ATP6V0D2: variants seen among roughly 807,000 people sequenced by gnomAD.
ATP6V0D2 encodes the protein ATPase H+ transporting V0 subunit d2, also known as V-type proton ATPase subunit d 2.
ATP6V0D2 carries 40 observed loss-of-function variants against 40.0 expected under a neutral mutation model. The observed-to-expected ratio is 1.00, with a 90% CI of 0.78 to 1.30. The LOEUF (loss-of-function observed/expected upper bound fraction) is 1.30, where lower values mean the gene tolerates loss of function less well. Ranked by LOEUF, ATP6V0D2 falls within the 50% of genes most tolerant of loss-of-function variation. The pLI, the probability that ATP6V0D2 is intolerant of heterozygous loss-of-function variation, is 0.00. For synonymous variants in ATP6V0D2, 179 were observed against 156.3 expected (o/e 1.15, Z -1.08); for missense variants, 470 against 423.1 (o/e 1.11, Z -0.97).
At chr8:86,123,971 C>A (rs553875525) in intron 2 of ATP6V0D2, among the ~76,000 whole-genome samples, 15 of 152,228 alleles carry the variant, frequency 9.9e-5, no homozygotes, top group African/African-American at 3.6e-4. Context: ...TTGTGTCTTT[C>A]TTTCCCCAAA....
intron 2 of ATP6V0D2, among the ~76,000 whole-genome samples, chr8:86,124,895 A>G (rs1449774067): frequency 6.6e-6 from 1 of 152,178 alleles, no homozygotes; most frequent in East Asian, 1.9e-4. Context: ...ATATAAATAT[A>G]CCCACACATC....
chr8:86,147,471 A>T (rs536641967), intron 5 of ATP6V0D2, among the ~76,000 whole-genome samples: 1 of 152,326 alleles, frequency 6.6e-6, no homozygotes, highest in South Asian at 2.1e-4. Flanking sequence ...AACTCTCTGC[A>T]AGAAACAGGA....
chr8:86,151,572 T>C, intron 7 of ATP6V0D2, 32 bp downstream of exon 7: 1 of 1,517,532 alleles, frequency 6.6e-7, no homozygotes, highest in Admixed American at 1.9e-5. Context: ...TATTAGCTTA[T>C]TTTTCTCTTA....
chr8:86,127,025 T>A (rs11773973), intron 2 of ATP6V0D2, among the ~76,000 whole-genome samples: 34,805 of 152,164 alleles, frequency 0.23, 5,082 homozygotes, highest in African/African-American at 0.41. Flanking sequence ...TTATTTTGCT[T>A]CAAGGAAAAA....
intron 1 of ATP6V0D2, among the ~76,000 whole-genome samples, chr8:86,110,798 A>G (rs1563556127): frequency 6.6e-6 from 1 of 152,182 alleles, no homozygotes; most frequent in South Asian, 2.1e-4. Flanking sequence ...TAATCAGTAC[A>G]TTAAAAATTT....
At position 86,128,652 on chromosome 8, in the gene ATP6V0D2, T is replaced by G. The variant is rs142710796; in HGVS notation, c.303-10805T>G. On this transcript the variant is annotated intron_variant, in intron 2 of 7. Transcript: ENST00000285393. ...TTGAACTTTTTGAAGTTCGGATAACTTAAAGGAAACATCATATAAAATAAT... is the reference window on the plus strand; with the variant it reads ...TTGAACTTTTTGAAGTTCGGATAACGTAAAGGAAACATCATATAAAATAAT... Among the ~76,000 whole-genome samples the G allele has an allele frequency of 4.4e-3, 672 of 152,308 alleles. 13 individuals carry two copies. The highest frequency in any genetic ancestry group is 0.044 in the South Asian group (212 of 4,818).
In ATP6V0D2 at chr8:86,152,816, G is replaced by T. The variant is rs1563568721; in HGVS notation, c.892G>T (p.Val298Leu). ...TGTGTTACTTTTTTTCTTTCCTCAG[G>T]TACAAATGAATGTGCTGGCATTCAA... Reference protein sequence around the residue: ...TLEDVFYEREVQMNVLAFNRQ... With the variant: ...TLEDVFYERELQMNVLAFNRQ... The change falls in exon 8 of 8, where the codon GTA (valine) becomes TTA (leucine). Residue 298 changes from valine to leucine, a missense_variant and splice_region_variant. Transcript: ENST00000285393. 1.9e-6 allele frequency: 3 copies of T among 1,589,634 alleles called. No individual in the cohort carries two copies. Among genetic ancestry groups the T allele is most frequent in the East Asian group, 4.5e-5 (2 of 44,232 alleles).
intron 1 of ATP6V0D2, among the ~76,000 whole-genome samples, chr8:86,105,222 A>G (rs1488805352): frequency 6.6e-6 from 1 of 152,216 alleles, no homozygotes; most frequent in African/African-American, 2.4e-5. Context: ...TCGTTTGTCT[A>G]TCTAGCTCCA....
In ATP6V0D2 at chr8:86,153,011, A is replaced by T; in HGVS notation, c.*34A>T. The T allele has an allele frequency of 6.6e-7, 1 of 1,520,798 alleles. No individual in the cohort carries two copies. 94.2% of individuals were successfully genotyped at this position (1,520,798 alleles called of 1,614,324 possible). A position where few individuals can be genotyped will look rare whatever the true frequency, so the allele number is the denominator to read the frequency against. The stretch of plus-strand genomic sequence containing the variant: ...AGGTTCTCAAATGTAGAAAATTATA[A>T]ATGTTAAAAGGAAGTTATTGAAGAA... On this transcript the variant is annotated 3_prime_UTR_variant, in exon 8 of 8. Transcript: ENST00000285393.
At chr8:86,152,744 T>C in intron 7 of ATP6V0D2, 72 bp from the exon 8 acceptor site, 1 of 1,456,626 alleles carries the variant, frequency 6.9e-7, no homozygotes, top group African/African-American at 1.4e-5. Context: ...TTCAAGCCAG[T>C]CAGTAGCTTA....
intron 2 of ATP6V0D2, among the ~76,000 whole-genome samples, chr8:86,122,207 T>C (rs537971953): frequency 5.3e-4 from 81 of 152,262 alleles, no homozygotes; most frequent in African/African-American, 1.9e-3. Context: ...ATTCAAAGTA[T>C]CCCACCTCAG....
chr8:86,152,086 C>T (rs907222314), intron 7 of ATP6V0D2, among the ~76,000 whole-genome samples: 15 of 151,976 alleles, frequency 9.9e-5, no homozygotes, highest in East Asian at 7.7e-4. Context: ...TTCCCCCCAC[C>T]GACAGGCCCC....
rs114326751 is a variant in ATP6V0D2, at chr8:86,119,074, G to T, written c.302+5194G>T. On this transcript the variant is annotated intron_variant, in intron 2 of 7. Transcript: ENST00000285393. ...TTTATCTGAATCAGAAAGCTGCCAGGGTTTGTACTTTGGGATTGGGAAACA... is the reference window on the plus strand; with the variant it reads ...TTTATCTGAATCAGAAAGCTGCCAGTGTTTGTACTTTGGGATTGGGAAACA... Among the ~76,000 whole-genome samples, 783 of 152,150 alleles carry T rather than the reference G, an allele frequency of 5.1e-3. 4 individuals are homozygous for T. The highest frequency in any genetic ancestry group is 0.018 in the African/African-American group (737 of 41,502).
intron 5 of ATP6V0D2, among the ~76,000 whole-genome samples, chr8:86,149,100 C>A (rs1819110430): frequency 7.4e-6 from 1 of 134,244 alleles, no homozygotes; most frequent in Non-Finnish European, 1.6e-5. Flanking sequence ...AGACATGGTT[C>A]TTCAAAGATT....
At chr8:86,118,077 CT>C (rs1563558130) in intron 2 of ATP6V0D2, among the ~76,000 whole-genome samples, 56 of 69,090 alleles carry the variant, frequency 8.1e-4, no homozygotes, top group Non-Finnish European at 1.3e-3. Flanking sequence ...TTCCTTCTTT[CT>C]TTCTTTCTTT....
chr8:86,129,076 T>A (rs1586095196), intron 2 of ATP6V0D2, among the ~76,000 whole-genome samples: 2 of 152,352 alleles, frequency 1.3e-5, no homozygotes, highest in African/African-American at 4.8e-5. Context: ...TAACAGTGTA[T>A]GTCCTCCTTT....
At position 86,117,263 on chromosome 8, in the gene ATP6V0D2, C is replaced by T. The variant is rs16886289; in HGVS notation, c.302+3383C>T. Among the ~76,000 whole-genome samples the T allele has an allele frequency of 8.7e-3, 1,332 of 152,274 alleles. 30 individuals are homozygous for T. Among genetic ancestry groups the T allele is most frequent in the African/African-American group, 0.03 (1,237 of 41,560 alleles). The stretch of plus-strand genomic sequence containing the variant: ...TTTTATTGTACCCTGTTTAGAAAGG[C>T]CTTCACTCCAAATTCATAAATAAAC... On this transcript the variant is annotated intron_variant, in intron 2 of 7. Coordinates refer to ENST00000285393, the MANE Select transcript of ATP6V0D2 (RefSeq NM_152565.1).
chr8:86,133,065 C>A (rs367840465), intron 2 of ATP6V0D2, among the ~76,000 whole-genome samples: 9 of 152,008 alleles, frequency 5.9e-5, no homozygotes, highest in Non-Finnish European at 1.3e-4. Flanking sequence ...GAAGTATTGG[C>A]GTCTTGGAGG....
chr8:86,110,080 A>G (rs899746610), intron 1 of ATP6V0D2, among the ~76,000 whole-genome samples: 1 of 152,004 alleles, frequency 6.6e-6, no homozygotes, highest in Non-Finnish European at 1.5e-5. Context: ...ATGCAACATG[A>G]TGTTTTATTT....
Sources: allele counts gnomAD v4.1 joint callset (sites outside exome capture counted in the v4.1 genomes callset), GRCh38; gene constraint gnomAD v4.1.1; transcripts MANE v1.5; gene names NCBI Gene and HGNC (gene_info 2026-07-23, HGNC 2026-07-21).